The following IQCB1 variants were observed in gnomAD, a reference collection of about 807,000 sequenced individuals.
The protein encoded by IQCB1 is IQ motif containing B1, also known as IQ calmodulin-binding motif-containing protein 1.
IQCB1 carries 56 observed loss-of-function variants against 84.4 expected under a neutral mutation model. That is an observed-to-expected ratio of 0.66 (90% CI 0.54 to 0.83). The LOEUF is 0.83. Ranked by LOEUF, IQCB1 falls within the 40% of genes least tolerant of loss-of-function variation. IQCB1 has a pLI of 0.00. For missense variants in IQCB1, 629 were observed against 682.1 expected (o/e 0.92, Z 0.87); for synonymous variants, 210 against 234.8 (o/e 0.89, Z 0.96).
intron 12 of IQCB1, among the ~76,000 whole-genome samples, chr3:121,783,748 A>G (rs1005703564): frequency 6.7e-6 from 1 of 149,424 alleles, no homozygotes; most frequent in African/African-American, 2.5e-5. Context: ...TCCATTCACC[A>G]TCATCTCGGT....
chr3:121,777,516 T>C (rs1203524901), intron 13 of IQCB1, among the ~76,000 whole-genome samples: 1 of 152,222 alleles, frequency 6.6e-6, no homozygotes, highest in Non-Finnish European at 1.5e-5. Context: ...GTGACCACTG[T>C]TGTATATATG....
chr3:121,782,336 T>A (rs1948534000), intron 12 of IQCB1, among the ~76,000 whole-genome samples: 2 of 152,272 alleles, frequency 1.3e-5, no homozygotes, highest in South Asian at 4.1e-4. Context: ...AATTTTGTAA[T>A]AGGCATTATA....
At chr3:121,781,613 C>T (rs562096227) in intron 13 of IQCB1, 130 bp downstream of exon 13, 22 of 929,300 alleles carry the variant, frequency 2.4e-5, no homozygotes, top group Non-Finnish European at 3.8e-5. Context: ...AATGCATTAC[C>T]TTATACCAGC....
rs1176715762 is a variant in IQCB1 at position 121,770,267 on chromosome 3, AG to A, written c.*77del. The A allele has an allele frequency of 1.1e-6, 1 of 943,436 alleles. No homozygotes were observed. Among genetic ancestry groups the A allele is most frequent in the Non-Finnish European group, 1.7e-6 (1 of 587,996 alleles). 58.4% of individuals were successfully genotyped at this position (943,436 alleles called of 1,614,324 possible). A position where few individuals can be genotyped will look rare whatever the true frequency, so the allele number is the denominator to read the frequency against. On this transcript the variant is annotated 3_prime_UTR_variant, in exon 15 of 15. Transcript: ENST00000310864. The stretch of plus-strand genomic sequence containing the variant: ...GAAAATAATAAGTTAGGATGGCCCT[AG>A]TCTACCAGCATGCCAGAGGCAGAAC...
rs772153735 is a variant in IQCB1 at position 121,788,409 on chromosome 3, C to G, written c.1153G>C (p.Glu385Gln). ...ATCAGTGCTGATTTCTCTTCCATTT[C>G]CCGATAGTGTTTCTCCACCTGACCT... The part of the protein sequence containing the change: ...HPGQVEKHYR[E>Q]MEEKSALIIQ... Residue 385 changes from glutamate (E) to glutamine (Q), a missense_variant, in exon 12 of 15, where the codon GAA becomes CAA. Coordinates refer to ENST00000310864, the MANE Select transcript of IQCB1 (RefSeq NM_001023570.4). 2.7e-5 allele frequency: 44 copies of G among 1,613,680 alleles called. No individual in the cohort carries two copies. In the Admixed American group the frequency reaches 5.3e-4, roughly 20 times the overall value.
intron 7 of IQCB1, among the ~76,000 whole-genome samples, chr3:121,804,165 C>A (rs1018491269): frequency 4.6e-5 from 7 of 152,024 alleles, no homozygotes; most frequent in African/African-American, 1.7e-4. Context: ...TGATATTATA[C>A]CACTTCATGT....
intron 12 of IQCB1, among the ~76,000 whole-genome samples, chr3:121,783,516 TTTTTA>T (rs1559757849): frequency 1.3e-5 from 2 of 152,238 alleles, no homozygotes; most frequent in Non-Finnish European, 2.9e-5. Context: ...TCCTTGCACA[TTTTTA>T]TTTTCTCTGG....
In IQCB1 at chr3:121,797,130, T is replaced by C. The variant is rs763534524; in HGVS notation, c.864A>G (p.Glu288=). ...VGLLSPMVYQ[E]VEEQKLHQAA... ...TGTAACTTAATACCTGCTCTTCTAC[T>C]TCCTGATAGACCATTGGGCTTAAAA... Residue 288 remains glutamate (E), a synonymous_variant, in exon 9 of 15, where the codon GAA becomes GAG. Coordinates refer to ENST00000310864, the MANE Select transcript of IQCB1 (RefSeq NM_001023570.4). The C allele has an allele frequency of 6.3e-7, 1 of 1,575,966 alleles. No individual in the cohort carries two copies. Among genetic ancestry groups the C allele is most frequent in the Admixed American group, 1.7e-5 (1 of 59,932 alleles).
chr3:121,813,396 T>C (rs1396022642), intron 5 of IQCB1, among the ~76,000 whole-genome samples: 1 of 152,220 alleles, frequency 6.6e-6, no homozygotes, highest in Non-Finnish European at 1.5e-5. Context: ...AGCATCATAA[T>C]GACAGGATCA....
At chr3:121,806,083 A>G (rs138835843) in intron 7 of IQCB1, among the ~76,000 whole-genome samples, 33 of 152,158 alleles carry the variant, frequency 2.2e-4, no homozygotes, top group East Asian at 1.5e-3. Context: ...TCAAAAAATT[A>G]TGTGTCATGT....
intron 10 of IQCB1, 122 bp downstream of exon 10, chr3:121,795,334 GA>G: frequency 9.9e-6 from 7 of 710,586 alleles, no homozygotes; most frequent in Admixed American, 2.1e-5. Context: ...GAAACGTATG[GA>G]AAAAAAATGA....
chr3:121,773,886 A>C (rs1000204177), intron 13 of IQCB1, among the ~76,000 whole-genome samples: 21 of 152,104 alleles, frequency 1.4e-4, no homozygotes, highest in African/African-American at 3.1e-4. Context: ...AGGAAAAAAA[A>C]AACAACAACA....
intron 5 of IQCB1, among the ~76,000 whole-genome samples, chr3:121,816,013 C>T (rs1310340716): frequency 2.0e-5 from 3 of 150,268 alleles, no homozygotes; most frequent in Non-Finnish European, 4.4e-5. Context: ...TGCTACCTGA[C>T]TTCAAACTAT....
intron 13 of IQCB1, among the ~76,000 whole-genome samples, chr3:121,779,132 C>T (rs2108519514): frequency 6.6e-6 from 1 of 151,952 alleles, no homozygotes; most frequent in African/African-American, 2.4e-5. Context: ...ACTGGTTTGA[C>T]AATTTTGATT....
At chr3:121,832,069 T>C (rs1950661608) in intron 2 of IQCB1, among the ~76,000 whole-genome samples, 1 of 152,158 alleles carries the variant, frequency 6.6e-6, no homozygotes, top group Non-Finnish European at 1.5e-5. Flanking sequence ...TAGATGAAAA[T>C]TGGTATGATT....
chr3:121,812,057 G>A (rs1318695260), intron 5 of IQCB1, among the ~76,000 whole-genome samples: 1 of 152,208 alleles, frequency 6.6e-6, no homozygotes, highest in African/African-American at 2.4e-5. Flanking sequence ...GCCACTCTGA[G>A]ACGAAGCTTC....
intron 5 of IQCB1, among the ~76,000 whole-genome samples, chr3:121,823,230 A>G (rs926015092): frequency 5.9e-5 from 9 of 152,132 alleles, no homozygotes; most frequent in African/African-American, 1.9e-4. Flanking sequence ...GGCAGCCTCA[A>G]CAACCAGAAG....
At chr3:121,780,619 A>C (rs1284433138) in intron 13 of IQCB1, among the ~76,000 whole-genome samples, 1 of 152,228 alleles carries the variant, frequency 6.6e-6, no homozygotes, top group African/African-American at 2.4e-5. Flanking sequence ...TATCCAATTC[A>C]GGTTTTACCA....
intron 2 of IQCB1, among the ~76,000 whole-genome samples, chr3:121,831,361 A>C (rs936204816): frequency 2.0e-5 from 3 of 151,910 alleles, no homozygotes; most frequent in African/African-American, 7.3e-5. Flanking sequence ...TTTAGTAGAG[A>C]CAGGGTTTCT....
Sources: allele counts gnomAD v4.1 joint callset (sites outside exome capture counted in the v4.1 genomes callset), GRCh38; gene constraint gnomAD v4.1.1; transcripts MANE v1.5; gene names NCBI Gene and HGNC (gene_info 2026-07-23, HGNC 2026-07-21).